UBXN7: variants seen among roughly 807,000 people sequenced by gnomAD.
UBXN7 encodes the protein UBX domain protein 7, also known as UBX domain-containing protein 7.
Under a neutral mutation model 58.0 loss-of-function variants are expected in UBXN7, and 9 were observed. The observed-to-expected ratio is 0.16, with a 90% CI of 0.09 to 0.27. UBXN7 has a LOEUF of 0.27. UBXN7 is among the 10% of genes least tolerant of loss of function. The pLI, the probability that UBXN7 is intolerant of heterozygous loss-of-function variation, is 1.00. For synonymous variants in UBXN7, 208 were observed against 205.0 expected, an observed-to-expected ratio of 1.01 and a Z score of -0.12; for missense variants, 328 against 599.6, an observed-to-expected ratio of 0.55 and a Z score of 4.73.
chr3:196,418,312 C>T (rs1560243024), intron 1 of UBXN7, among the ~76,000 whole-genome samples: 2 of 151,894 alleles, frequency 1.3e-5, no homozygotes, highest in Non-Finnish European at 2.9e-5. Context: ...GACGGAATGA[C>T]GGACAGATAG....
At chr3:196,373,245 T>C (rs961661162) in intron 5 of UBXN7, among the ~76,000 whole-genome samples, 1 of 152,030 alleles carries the variant, frequency 6.6e-6, no homozygotes, top group African/African-American at 2.4e-5. Flanking sequence ...TTCCTAGGAG[T>C]AGATTCCAAA....
At chr3:196,398,246 T>C (rs1218862004) in intron 3 of UBXN7, among the ~76,000 whole-genome samples, 1 of 152,206 alleles carries the variant, frequency 6.6e-6, no homozygotes, top group Non-Finnish European at 1.5e-5. Context: ...ACCACACCTT[T>C]GTAGGAGACC....
At chr3:196,402,828 G>GA (rs1344330824) in intron 3 of UBXN7, 124 bp downstream of exon 3, 3 of 1,108,330 alleles carry the variant, frequency 2.7e-6, no homozygotes, top group South Asian at 2.9e-5. Context: ...CAGGACTATA[G>GA]AAAAAATAAG....
At chr3:196,387,263 C>T (rs560772430) in intron 5 of UBXN7, among the ~76,000 whole-genome samples, 1 of 152,284 alleles carries the variant, frequency 6.6e-6, no homozygotes, top group Non-Finnish European at 1.5e-5. Context: ...GGATCCCTTC[C>T]TTACACCTTA....
Position 196,389,607 on chromosome 3 carries a change from C to T in UBXN7, c.468+2206G>A, listed in dbSNP as rs143887923. On this transcript the variant is annotated intron_variant, in intron 5 of 10. Transcript: ENST00000296328. ...GTGAATGGCTTGACCCCTTGCTCCT[C>T]GCACCATGTGCTACACCGGCTTCCC... Among the ~76,000 whole-genome samples the T allele has an allele frequency of 2.1e-3, 322 of 152,342 alleles. 3 individuals carry two copies. Among genetic ancestry groups the T allele is most frequent in the South Asian group, 3.7e-3 (18 of 4,830 alleles).
intron 5 of UBXN7, among the ~76,000 whole-genome samples, chr3:196,373,477 G>T (rs578014011): frequency 6.6e-6 from 1 of 152,144 alleles, no homozygotes; most frequent in Non-Finnish European, 1.5e-5. Context: ...ACAGTGACAC[G>T]AAACCACAGT....
At chr3:196,430,803 C>T (rs530952478) in intron 1 of UBXN7, among the ~76,000 whole-genome samples, 2 of 152,292 alleles carry the variant, frequency 1.3e-5, no homozygotes, top group East Asian at 3.9e-4. Context: ...GCAACACTAA[C>T]TTATATACAC....
At chr3:196,367,736 T>C (rs547858952) in intron 8 of UBXN7, among the ~76,000 whole-genome samples, 37 of 152,342 alleles carry the variant, frequency 2.4e-4, no homozygotes, top group Non-Finnish European at 4.1e-4. Context: ...TCAGTCCTCC[T>C]GCCCAACCTA....
At chr3:196,374,976 A>AAGGAAGGAAGGC (rs1728960579) in intron 5 of UBXN7, among the ~76,000 whole-genome samples, 1 of 17,616 alleles carries the variant, frequency 5.7e-5, no homozygotes. Flanking sequence ...GGAAGGAGGG[A>AAGGAAGGAAGGC]AGGAAGGAAG....
intron 5 of UBXN7, among the ~76,000 whole-genome samples, 177 bp from the exon 6 acceptor site, chr3:196,372,219 G>A (rs1354422459): frequency 6.6e-6 from 1 of 150,792 alleles, no homozygotes; most frequent in African/African-American, 2.4e-5. Flanking sequence ...TGCATTTATA[G>A]CTATACTGTC....
At chr3:196,391,717 G>A (rs1729588107) in intron 5 of UBXN7, 96 bp downstream of exon 5, 1 of 881,864 alleles carries the variant, frequency 1.1e-6, no homozygotes, top group Admixed American at 2.5e-5. Context: ...CTGGACGACA[G>A]AGCGAGACCT....
intron 3 of UBXN7, among the ~76,000 whole-genome samples, chr3:196,398,069 AT>A (rs1729831245): frequency 6.6e-6 from 1 of 152,192 alleles, no homozygotes; most frequent in Non-Finnish European, 1.5e-5. Context: ...TCACTTCCAG[AT>A]TACGTTACAA....
At chr3:196,424,385 T>A (rs1263470862) in intron 1 of UBXN7, among the ~76,000 whole-genome samples, 1 of 48,960 alleles carries the variant, frequency 2.0e-5, no homozygotes, top group East Asian at 4.1e-3. Flanking sequence ...TTTTCCTAAT[T>A]TTTTTTTTTT....
At chr3:196,430,630 T>G (rs1004111734) in intron 1 of UBXN7, among the ~76,000 whole-genome samples, 2 of 151,846 alleles carry the variant, frequency 1.3e-5, no homozygotes, top group Admixed American at 6.6e-5. Context: ...CCCATGTGAA[T>G]CTCCAGCCTC....
chr3:196,388,294 G>T lies in UBXN7; in HGVS notation c.468+3519C>A, dbSNP rs1489713641. On this transcript the variant is annotated intron_variant, in intron 5 of 10. Transcript: ENST00000296328. ...AACATCACACACTGGGGCCTGTCGG[G>T]GGCTGGGGGGCTGGGGGGCTGGGGG... Among the ~76,000 whole-genome samples, 3 of 143,026 alleles carry T rather than the reference G, an allele frequency of 2.1e-5. No individual in the cohort carries two copies. The East Asian group carries it at 6.2e-4, about 30-fold the overall frequency. 93.8% of individuals were successfully genotyped at this position (143,026 alleles called of 152,430 possible).
At chr3:196,365,049 ATTCTCCTCTGATTTCC>A (rs139789811) in intron 8 of UBXN7, among the ~76,000 whole-genome samples, 17,986 of 152,044 alleles carry the variant, frequency 0.12, 1,391 homozygotes, top group South Asian at 0.19. Flanking sequence ...ATTGAATTTC[ATTCTCCTCTGATTTCC>A]TTACTTATAT....
At position 196,393,448 on chromosome 3, in the gene UBXN7, T is replaced by C. The variant is rs558892481; in HGVS notation, c.355+106A>G. The C allele has an allele frequency of 2.5e-4, 272 of 1,075,514 alleles. No homozygotes were observed. The African/African-American group carries it at 3.8e-3, about 15-fold the overall frequency. The allele number at this position is 1,075,514 out of a possible 1,614,324, so 66.6% of individuals were successfully genotyped here. A position where few individuals can be genotyped will look rare whatever the true frequency, so the allele number is the denominator to read the frequency against. On this transcript the variant is annotated intron_variant, in intron 4 of 10. Coordinates refer to ENST00000296328, the MANE Select transcript of UBXN7 (RefSeq NM_015562.2). ...CATTCTGGATCCATAATTTCACTTTTTAAAGAAGGTGAAAACTTAAAAGTA... is the reference window on the plus strand; with the variant it reads ...CATTCTGGATCCATAATTTCACTTTCTAAAGAAGGTGAAAACTTAAAAGTA...
rs199754740 is a variant in UBXN7 at position 196,387,850 on chromosome 3, G to GTAAA, written c.468+3959_468+3962dup. On this transcript the variant is annotated intron_variant, in intron 5 of 10. Transcript: ENST00000296328. ...ACGCTTTTACACTGTTGGTGGGAGTGTAAATTAGTTCAACCATTGTGGAAG... is the reference window on the plus strand; with the variant it reads ...ACGCTTTTACACTGTTGGTGGGAGTGTAAATAAATTAGTTCAACCATTGTGGAAG... 7.7e-3 allele frequency among the ~76,000 whole-genome samples: 1,176 copies of GTAAA among 152,240 alleles called. 17 individuals carry two copies. Among genetic ancestry groups the GTAAA allele is most frequent in the African/African-American group, 0.027 (1,116 of 41,518 alleles).
chr3:196,372,343 C>CTTTTTTTTTT (rs894793736), intron 5 of UBXN7, among the ~76,000 whole-genome samples: 3 of 107,520 alleles, frequency 2.8e-5, no homozygotes, highest in African/African-American at 3.1e-5. Flanking sequence ...TTCTTTCTTT[C>CTTTTTTTTTT]TTTTTTTTTT....
Sources: gnomAD v4.1 joint callset for allele counts (sites outside exome capture counted in the v4.1 genomes callset) on GRCh38, gnomAD v4.1.1 for gene constraint, MANE v1.5 for transcripts, NCBI Gene and HGNC (gene_info 2026-07-23, HGNC 2026-07-21) for gene names.